The following SYT6 variants were observed in gnomAD, a reference collection of about 807,000 sequenced individuals.
The protein encoded by SYT6 is synaptotagmin 6.
In SYT6, 24 loss-of-function variants were observed where a neutral mutation model predicts 38.4. That is an observed-to-expected ratio of 0.62 (90% CI 0.45 to 0.88). The LOEUF (loss-of-function observed/expected upper bound fraction) is 0.88, where lower values mean the gene tolerates loss of function less well. Among genes scored for constraint, SYT6 ranks in the 40% least tolerant of loss-of-function variants. SYT6 has a pLI of 0.00. For missense variants in SYT6, 611 were observed against 621.0 expected, an observed-to-expected ratio of 0.98 and a Z score of 0.17; for synonymous variants, 265 against 241.9, an observed-to-expected ratio of 1.10 and a Z score of -0.89.
intron 1 of SYT6, among the ~76,000 whole-genome samples, chr1:114,148,490 G>C (rs1679267348): frequency 6.6e-6 from 1 of 152,196 alleles, no homozygotes; most frequent in South Asian, 2.1e-4. Context: ...AGGCTGGGGA[G>C]AGCAGGAGCT....
chr1:114,143,557 C>CGTGTGTGT (rs149047400), intron 1 of SYT6, among the ~76,000 whole-genome samples: 2 of 147,074 alleles, frequency 1.4e-5, no homozygotes, highest in African/African-American at 2.5e-5. Flanking sequence ...AACTTATGTG[C>CGTGTGTGT]ATGTGTGTGT....
intron 1 of SYT6, among the ~76,000 whole-genome samples, chr1:114,151,795 G>A (rs750727269): frequency 6.6e-6 from 1 of 152,154 alleles, no homozygotes; most frequent in South Asian, 2.1e-4. Flanking sequence ...TGTATGCGTG[G>A]TGTAGGAGGG....
intron 1 of SYT6, among the ~76,000 whole-genome samples, chr1:114,140,448 G>C (rs574454130): frequency 7.9e-5 from 12 of 151,986 alleles, no homozygotes; most frequent in East Asian, 3.9e-4. Context: ...TGATACCTTG[G>C]GGGGCAGAGG....
chr1:114,149,280 GC>G (rs1282929097), intron 1 of SYT6, among the ~76,000 whole-genome samples: 3 of 54,974 alleles, frequency 5.5e-5, no homozygotes, highest in Non-Finnish European at 9.4e-5. Context: ...CTCAGACGTG[GC>G]CCATTAATAA....
intron 3 of SYT6, among the ~76,000 whole-genome samples, chr1:114,124,942 G>A (rs1677637131): frequency 6.6e-6 from 1 of 152,222 alleles, no homozygotes; most frequent in African/African-American, 2.4e-5. Flanking sequence ...GCAGGGGTGA[G>A]GAATGAATAA....
chr1:114,111,728 A>G (rs1451805200), intron 3 of SYT6, among the ~76,000 whole-genome samples: 1 of 152,096 alleles, frequency 6.6e-6, no homozygotes, highest in African/African-American at 2.4e-5. Flanking sequence ...AGGACTTCCG[A>G]GAGGAACCCG....
intron 3 of SYT6, among the ~76,000 whole-genome samples, chr1:114,133,741 TGCTCTG>T (rs1314719349): frequency 6.6e-6 from 1 of 152,214 alleles, no homozygotes; most frequent in Admixed American, 6.5e-5. Context: ...AGGCCCGGTT[TGCTCTG>T]GCTCTCCAGC....
chr1:114,149,216 A>ATT (rs1491563313), intron 1 of SYT6, among the ~76,000 whole-genome samples: 16 of 17,742 alleles, frequency 9.0e-4, no homozygotes, highest in African/African-American at 6.3e-3. Context: ...AGAGAGAGAG[A>ATT]TTGTGTGTGT....
At chr1:114,146,235 G>A (rs1210583994) in intron 1 of SYT6, among the ~76,000 whole-genome samples, 1 of 152,202 alleles carries the variant, frequency 6.6e-6, no homozygotes, top group African/African-American at 2.4e-5. Context: ...AGGCAGCAGG[G>A]AGGAGGTGAC....
At chr1:114,141,781 C>T (rs1678878340) in intron 1 of SYT6, among the ~76,000 whole-genome samples, 1 of 152,206 alleles carries the variant, frequency 6.6e-6, no homozygotes, top group Non-Finnish European at 1.5e-5. Flanking sequence ...CAGCTGATGA[C>T]TTTAAGATGA....
intron 1 of SYT6, among the ~76,000 whole-genome samples, chr1:114,140,855 A>G (rs933612562): frequency 2.6e-5 from 4 of 152,192 alleles, no homozygotes; most frequent in African/African-American, 7.2e-5. Flanking sequence ...ACATTATTTC[A>G]AACTTTTAAA....
chr1:114,112,088 C>G (rs565447929), intron 3 of SYT6, among the ~76,000 whole-genome samples: 5 of 152,012 alleles, frequency 3.3e-5, no homozygotes, highest in African/African-American at 4.8e-5. Context: ...TGCTTTTACT[C>G]TCAAGTGCTT....
intron 7 of SYT6, 78 bp from the exon 8 acceptor site, chr1:114,092,160 T>A: frequency 2.2e-6 from 3 of 1,342,028 alleles, no homozygotes; most frequent in Non-Finnish European, 3.1e-6. Context: ...ACTGGCCCAA[T>A]GCACTGAATT....
At position 114,099,238 on chromosome 1, in the gene SYT6, C is replaced by T. The variant is rs1675824543; in HGVS notation, c.1220G>A (p.Cys407Tyr). The change falls in exon 5 of 8, where the codon TGT becomes TAT. Residue 407 changes from cysteine to tyrosine, a missense_variant. Cys to Tyr is a radical substitution (Grantham distance 194). Transcript: ENST00000610222. ...SDPYVKVSLL[C>Y]DGRRLKKKKT... is the part of the protein sequence containing the mutation. Reference sequence around the variant, plus strand: ...CTTCTTCTTCAGCCTCCGCCCATCACAGAGCAAGGACACTTTCACATAGGG... The same window carrying T: ...CTTCTTCTTCAGCCTCCGCCCATCATAGAGCAAGGACACTTTCACATAGGG... 2 of 1,613,674 alleles carry T rather than the reference C, an allele frequency of 1.2e-6. No individual in the cohort carries two copies. The highest frequency in any genetic ancestry group is 1.7e-6 in the Non-Finnish European group (2 of 1,179,724).
Position 114,137,926 on chromosome 1 carries a change from G to T in SYT6, c.640C>A (p.Gln214Lys). ...GCATCCTCCCCATCCACCGACTTCT[G>T]CTTGTAGAGCTCAGGCTTGATGCGG... ...IGRIKPELYK[Q>K]KSVDGEDAKS... Residue 214 changes from glutamine to lysine, a missense_variant, in exon 3 of 8, where the codon CAG becomes AAG. Coordinates refer to ENST00000610222, the MANE Select transcript of SYT6 (RefSeq NM_001253772.2). 2.5e-6 allele frequency: 4 copies of T among 1,614,062 alleles called. No individual in the cohort carries two copies. The highest frequency in any genetic ancestry group is 3.4e-6 in the Non-Finnish European group (4 of 1,180,020).
intron 3 of SYT6, among the ~76,000 whole-genome samples, chr1:114,107,512 G>A (rs916887256): frequency 6.6e-6 from 1 of 152,252 alleles, no homozygotes; most frequent in African/African-American, 2.4e-5. Flanking sequence ...ACAAAAGCCT[G>A]GCTCCAGGCT....
At chr1:114,102,532 C>A (rs940436000) in intron 4 of SYT6, among the ~76,000 whole-genome samples, 1 of 152,206 alleles carries the variant, frequency 6.6e-6, no homozygotes, top group Non-Finnish European at 1.5e-5. Flanking sequence ...AAGACTCAAG[C>A]TACTCCTCTG....
intron 4 of SYT6, among the ~76,000 whole-genome samples, chr1:114,100,479 T>A (rs887588184): frequency 1.3e-5 from 2 of 152,242 alleles, no homozygotes; most frequent in African/African-American, 4.8e-5. Flanking sequence ...TAGGGAGAAC[T>A]GTGACACCTG....
chr1:114,125,202 C>A (rs888607767), intron 3 of SYT6, among the ~76,000 whole-genome samples: 3 of 152,222 alleles, frequency 2.0e-5, no homozygotes, highest in Non-Finnish European at 4.4e-5. Context: ...TGTGTCAAAT[C>A]CAGACGATCA....
Sources: gnomAD v4.1 joint callset for allele counts (sites outside exome capture counted in the v4.1 genomes callset) on GRCh38, gnomAD v4.1.1 for gene constraint, MANE v1.5 for transcripts, NCBI Gene and HGNC (gene_info 2026-07-23, HGNC 2026-07-21) for gene names.